Variants in CTNNA3 observed in about 807,000 individuals in gnomAD.
The protein encoded by CTNNA3 is catenin alpha 3.
In CTNNA3, 76 loss-of-function variants were observed where a neutral mutation model predicts 95.7. That is an observed-to-expected ratio of 0.79 (90% CI 0.66 to 0.96). The LOEUF (loss-of-function observed/expected upper bound fraction) is 0.96, where lower values mean the gene tolerates loss of function less well. Ranked by LOEUF, CTNNA3 falls within the 40% of genes least tolerant of loss-of-function variation. The pLI is 0.00. For missense variants in CTNNA3, 1,191 were observed against 1,089.8 expected, an observed-to-expected ratio of 1.09 and a Z score of -1.31; for synonymous variants, 431 against 374.4, an observed-to-expected ratio of 1.15 and a Z score of -1.74.
At chr10:67,524,414 AAAAAAAG>A (rs1397208748) in intron 4 of CTNNA3, among the ~76,000 whole-genome samples, 17 of 143,568 alleles carry the variant, frequency 1.2e-4, no homozygotes, top group Non-Finnish European at 2.3e-4. Flanking sequence ...AAAAAAAAAA[AAAAAAAG>A]AGTGTTCAAA....
intron 9 of CTNNA3, among the ~76,000 whole-genome samples, chr10:66,689,815 GGA>G (rs1294563733): frequency 2.6e-5 from 4 of 152,142 alleles, no homozygotes; most frequent in African/African-American, 4.8e-5. Flanking sequence ...AGACTACAAG[GGA>G]GAGAGGGGGA....
chr10:65,942,467 T>G (rs1415719402), intron 17 of CTNNA3, among the ~76,000 whole-genome samples: 1 of 152,162 alleles, frequency 6.6e-6, no homozygotes, highest in African/African-American at 2.4e-5. Context: ...AGGCAGAGGT[T>G]GCAGTGAGTC....
At chr10:66,152,617 T>G (rs931962395) in intron 13 of CTNNA3, among the ~76,000 whole-genome samples, 1 of 151,830 alleles carries the variant, frequency 6.6e-6, no homozygotes, top group African/African-American at 2.4e-5. Context: ...GTGTATAAGT[T>G]TTTAAACTAA....
chr10:66,443,462 C>T (rs1442023739), intron 11 of CTNNA3, among the ~76,000 whole-genome samples: 10 of 152,044 alleles, frequency 6.6e-5, no homozygotes. Flanking sequence ...GACAAAGCTT[C>T]CAGAGGAACG....
intron 7 of CTNNA3, among the ~76,000 whole-genome samples, chr10:66,933,623 C>A (rs1266601166): frequency 1.3e-5 from 2 of 152,122 alleles, no homozygotes; most frequent in Non-Finnish European, 2.9e-5. Context: ...ATGTTTCTCC[C>A]CTGGCCACTC....
At chr10:67,740,606 G>A (rs1589586426) in intron 1 of CTNNA3, among the ~76,000 whole-genome samples, 1 of 151,474 alleles carries the variant, frequency 6.6e-6, no homozygotes. Flanking sequence ...AAACCACAAT[G>A]AGATATCATC....
At chr10:66,051,957 C>T (rs944791260) in intron 15 of CTNNA3, among the ~76,000 whole-genome samples, 2 of 152,024 alleles carry the variant, frequency 1.3e-5, no homozygotes, top group South Asian at 4.1e-4. Flanking sequence ...GTTTTGGCCC[C>T]ACAATAATGA....
intron 7 of CTNNA3, among the ~76,000 whole-genome samples, chr10:66,792,372 C>T (rs1364091418): frequency 6.6e-6 from 1 of 152,046 alleles, no homozygotes; most frequent in Non-Finnish European, 1.5e-5. Flanking sequence ...TATTATTTCT[C>T]AAATCTTAAT....
At chr10:67,030,847 T>C (rs1189839574) in intron 7 of CTNNA3, among the ~76,000 whole-genome samples, 1 of 152,040 alleles carries the variant, frequency 6.6e-6, no homozygotes, top group Non-Finnish European at 1.5e-5. Context: ...CTACTAAAAA[T>C]ACAAAAATTA....
In CTNNA3 at chr10:66,459,571, C is replaced by T. The variant is rs1368492050; in HGVS notation, c.1531+61046G>A. On this transcript the variant is annotated intron_variant, in intron 11 of 17. Coordinates refer to ENST00000433211, the MANE Select transcript of CTNNA3 (RefSeq NM_013266.4). ...CTTTAAAAACAAAATAACAGCCATGCATCACTTAATGGTGGGAATACATTC... is the reference window on the plus strand; with the variant it reads ...CTTTAAAAACAAAATAACAGCCATGTATCACTTAATGGTGGGAATACATTC... 2.0e-5 allele frequency among the ~76,000 whole-genome samples: 3 copies of T among 152,162 alleles called. No individual in the cohort carries two copies. In the East Asian group the frequency reaches 5.8e-4, roughly 29 times the overall value.
chr10:66,791,061 T>G (rs1035455875), intron 7 of CTNNA3, among the ~76,000 whole-genome samples: 4 of 152,222 alleles, frequency 2.6e-5, no homozygotes, highest in African/African-American at 9.6e-5. Flanking sequence ...TTCAAGTTAA[T>G]GTCCTAGCCC....
chr10:66,703,264 C>G (rs1296145426), intron 9 of CTNNA3, among the ~76,000 whole-genome samples: 1 of 152,128 alleles, frequency 6.6e-6, no homozygotes, highest in South Asian at 2.1e-4. Flanking sequence ...GCATAAACAG[C>G]ACCCTTCATG....
intron 5 of CTNNA3, among the ~76,000 whole-genome samples, chr10:67,359,594 A>T (rs1195622846): frequency 6.6e-6 from 1 of 152,206 alleles, no homozygotes; most frequent in East Asian, 1.9e-4. Context: ...TACAGTTGGA[A>T]GCTTCAATAA....
intron 17 of CTNNA3, among the ~76,000 whole-genome samples, chr10:65,955,573 G>C (rs940885303): frequency 6.6e-6 from 1 of 152,128 alleles, no homozygotes; most frequent in Non-Finnish European, 1.5e-5. Context: ...TCAATACCTA[G>C]TTTATTGAGA....
intron 5 of CTNNA3, among the ~76,000 whole-genome samples, chr10:67,394,895 A>T (rs1844658896): frequency 6.6e-6 from 1 of 152,138 alleles, no homozygotes; most frequent in Admixed American, 6.5e-5. Context: ...TAAATCAAAA[A>T]TTCTATAAAA....
intron 5 of CTNNA3, among the ~76,000 whole-genome samples, chr10:67,502,924 T>C (rs570652409): frequency 6.6e-6 from 1 of 152,294 alleles, no homozygotes; most frequent in South Asian, 2.1e-4. Context: ...TGGGATCCGC[T>C]GAGCTACACC....
At chr10:67,002,964 T>C (rs970211657) in intron 7 of CTNNA3, among the ~76,000 whole-genome samples, 4 of 152,196 alleles carry the variant, frequency 2.6e-5, no homozygotes, top group African/African-American at 7.2e-5. Context: ...GTAAGACTTG[T>C]GGCTGCCGAA....
chr10:66,612,415 T>C (rs147290992), intron 10 of CTNNA3, among the ~76,000 whole-genome samples: 1 of 152,202 alleles, frequency 6.6e-6, no homozygotes, highest in Non-Finnish European at 1.5e-5. Context: ...ATGAAACTGA[T>C]CTAAACCCCT....
chr10:66,094,932 C>T (rs2133707711), intron 14 of CTNNA3, among the ~76,000 whole-genome samples: 1 of 152,284 alleles, frequency 6.6e-6, no homozygotes, highest in South Asian at 2.1e-4. Flanking sequence ...GACTCAAAAA[C>T]TATTCCTGAG....
Sources: gnomAD v4.1 joint callset for allele counts (sites outside exome capture counted in the v4.1 genomes callset) on GRCh38, gnomAD v4.1.1 for gene constraint, MANE v1.5 for transcripts, NCBI Gene and HGNC (gene_info 2026-07-23, HGNC 2026-07-21) for gene names.